The following MARCHF1 variants were observed in gnomAD, a reference collection of about 807,000 sequenced individuals.
The protein encoded by MARCHF1 is membrane associated ring-CH-type finger 1, also known as E3 ubiquitin-protein ligase MARCHF1.
Under a neutral mutation model 54.2 loss-of-function variants are expected in MARCHF1, and 40 were observed. The ratio of observed to expected loss-of-function variants is 0.74; its 90% CI spans 0.57 to 0.96. MARCHF1 has a LOEUF of 0.96. Among genes scored for constraint, MARCHF1 ranks in the 40% least tolerant of loss-of-function variants. The pLI is 0.00. For missense variants in MARCHF1, 586 were observed against 656.5 expected (o/e 0.89, Z 1.17); for synonymous variants, 236 against 236.3 (o/e 1.00, Z 0.01).
intron 2 of MARCHF1, among the ~76,000 whole-genome samples, chr4:164,108,743 A>G (rs1280424109): frequency 1.3e-5 from 2 of 152,126 alleles, no homozygotes; most frequent in Non-Finnish European, 2.9e-5. Flanking sequence ...TAAAATAACT[A>G]GCATTATAAC....
chr4:163,886,419 A>G (rs1008639198), intron 3 of MARCHF1, among the ~76,000 whole-genome samples: 6 of 151,906 alleles, frequency 3.9e-5, no homozygotes, highest in African/African-American at 9.7e-5. Flanking sequence ...ATGTGTGGCA[A>G]TTGCCTTAAA....
intron 1 of MARCHF1, among the ~76,000 whole-genome samples, chr4:164,273,988 C>A (rs1302720254): frequency 6.6e-6 from 1 of 151,568 alleles, no homozygotes; most frequent in East Asian, 1.9e-4. Context: ...GTTCATACTG[C>A]CAGAATTGCA....
chr4:164,317,178 T>C (rs957026974), intron 1 of MARCHF1, among the ~76,000 whole-genome samples: 1 of 152,190 alleles, frequency 6.6e-6, no homozygotes. Context: ...TACTCTAAAT[T>C]ATATTATGTG....
intron 1 of MARCHF1, among the ~76,000 whole-genome samples, chr4:164,322,986 T>C (rs771363736): frequency 6.6e-5 from 10 of 151,912 alleles, no homozygotes; most frequent in Non-Finnish European, 1.2e-4. Flanking sequence ...TAGAATAAAT[T>C]ATAAATGGCT....
chr4:163,981,141 C>A (rs1397498474), intron 3 of MARCHF1, among the ~76,000 whole-genome samples: 1 of 151,862 alleles, frequency 6.6e-6, no homozygotes, highest in Non-Finnish European at 1.5e-5. Context: ...TTCCAGGTGC[C>A]AGAATTGTTT....
At position 164,275,782 on chromosome 4, in the gene MARCHF1, T is replaced by C. The variant is rs562461103; in HGVS notation, c.-323+108088A>G. On this transcript the variant is annotated intron_variant, in intron 1 of 9. Coordinates refer to ENST00000514618, the MANE Select transcript of MARCHF1 (RefSeq NM_001394959.1). ...TTTCCCTTTTCCTTGAGAAGCATCA[T>C]TAGTTAAAAATATGTTAGTTGATAC... 2.0e-5 allele frequency among the ~76,000 whole-genome samples: 3 copies of C among 152,294 alleles called. No individual in the cohort carries two copies. The East Asian group carries it at 5.8e-4, about 29-fold the overall frequency.
At chr4:163,747,520 G>A (rs527835388) in intron 4 of MARCHF1, among the ~76,000 whole-genome samples, 2 of 152,246 alleles carry the variant, frequency 1.3e-5, no homozygotes, top group East Asian at 1.9e-4. Flanking sequence ...TTGAAATCTG[G>A]TAGTGTGAGA....
intron 4 of MARCHF1, among the ~76,000 whole-genome samples, chr4:163,773,796 T>G (rs984211841): frequency 6.6e-6 from 1 of 152,196 alleles, no homozygotes; most frequent in Non-Finnish European, 1.5e-5. Flanking sequence ...TAAAAGCCTA[T>G]AATCTGATAA....
rs538025384 is a variant in MARCHF1 at position 163,694,179 on chromosome 4, G to A, written c.162+6634C>T. Among the ~76,000 whole-genome samples, 12 of 152,308 alleles carry A rather than the reference G, an allele frequency of 7.9e-5. No individual in the cohort carries two copies. The East Asian group carries it at 2.3e-3, about 29-fold the overall frequency. ...ACAAATCCATGACAGGATGAAATGA[G>A]TTCATGTGGATCTGGGTGGCTCAAA... On this transcript the variant is annotated intron_variant, in intron 5 of 9. Coordinates refer to ENST00000514618, the MANE Select transcript of MARCHF1 (RefSeq NM_001394959.1).
At chr4:164,107,344 T>A (rs770971406) in intron 2 of MARCHF1, among the ~76,000 whole-genome samples, 7 of 151,824 alleles carry the variant, frequency 4.6e-5, no homozygotes, top group Non-Finnish European at 8.8e-5. Flanking sequence ...CTAAAATAGG[T>A]TAGGGGATAT....
At chr4:163,870,333 C>T (rs1315416953) in intron 3 of MARCHF1, among the ~76,000 whole-genome samples, 1 of 151,858 alleles carries the variant, frequency 6.6e-6, no homozygotes, top group Non-Finnish European at 1.5e-5. Flanking sequence ...TCAAACTGAC[C>T]CCATTTTTCC....
At chr4:164,221,203 T>G (rs1732101224) in intron 1 of MARCHF1, among the ~76,000 whole-genome samples, 1 of 152,058 alleles carries the variant, frequency 6.6e-6, no homozygotes, top group South Asian at 2.1e-4. Flanking sequence ...AAACCATTCT[T>G]GAGAACATGT....
chr4:163,539,676 C>A (rs1038352011), intron 9 of MARCHF1, among the ~76,000 whole-genome samples: 1 of 152,168 alleles, frequency 6.6e-6, no homozygotes, highest in Non-Finnish European at 1.5e-5. Context: ...AGGCCACTGG[C>A]GTTTAGTCAT....
intron 7 of MARCHF1, among the ~76,000 whole-genome samples, chr4:163,603,965 C>T (rs1741061370): frequency 1.3e-5 from 2 of 152,068 alleles, no homozygotes; most frequent in Admixed American, 6.6e-5. Context: ...TCTCTCTCCA[C>T]TTTTTATACT....
intron 2 of MARCHF1, among the ~76,000 whole-genome samples, chr4:164,020,465 C>T (rs1753637323): frequency 6.6e-6 from 1 of 152,196 alleles, no homozygotes; most frequent in Admixed American, 6.5e-5. Flanking sequence ...AGATCTAAAT[C>T]AGTTTACAGA....
chr4:164,303,144 T>C (rs561954073), intron 1 of MARCHF1, among the ~76,000 whole-genome samples: 5 of 152,246 alleles, frequency 3.3e-5, no homozygotes, highest in Middle Eastern at 3.4e-3. Flanking sequence ...TTCCCTCTAG[T>C]TTGGAATAAG....
At chr4:163,937,285 C>T (rs1389024892) in intron 3 of MARCHF1, among the ~76,000 whole-genome samples, 1 of 152,014 alleles carries the variant, frequency 6.6e-6, no homozygotes, top group East Asian at 1.9e-4. Flanking sequence ...CACATATATA[C>T]TCACATACCC....
chr4:164,179,344 A>T (rs1730772253), intron 1 of MARCHF1, among the ~76,000 whole-genome samples: 1 of 152,166 alleles, frequency 6.6e-6, no homozygotes, highest in Non-Finnish European at 1.5e-5. Context: ...CTAGCTCTGT[A>T]TTGTGATTTC....
chr4:164,111,020 ATAAG>A (rs975305822), intron 2 of MARCHF1, among the ~76,000 whole-genome samples: 1 of 151,852 alleles, frequency 6.6e-6, no homozygotes, highest in African/African-American at 2.4e-5. Flanking sequence ...TGTGAAATAA[ATAAG>A]TGTTATATTC....
Sources: gnomAD v4.1 joint callset for allele counts (sites outside exome capture counted in the v4.1 genomes callset) on GRCh38, gnomAD v4.1.1 for gene constraint, MANE v1.5 for transcripts, NCBI Gene and HGNC (gene_info 2026-07-23, HGNC 2026-07-21) for gene names.